FMN1: variants seen among roughly 807,000 people sequenced by gnomAD.
FMN1 encodes formin-1.
In FMN1, 110 loss-of-function variants were observed where a neutral mutation model predicts 132.4. The observed-to-expected ratio is 0.83, with a 90% confidence interval of 0.71 to 0.97. FMN1 has a LOEUF of 0.97. FMN1 is among the 50% of genes least tolerant of loss of function. The pLI is 0.00. For synonymous variants in FMN1, 722 were observed against 651.7 expected (o/e 1.11, Z -1.64); for missense variants, 1,792 against 1,705.3 (o/e 1.05, Z -0.90).
At chr15:32,785,087 G>C (rs1358601464) in intron 19 of FMN1, among the ~76,000 whole-genome samples, 1 of 150,198 alleles carries the variant, frequency 6.7e-6, no homozygotes, top group African/African-American at 2.5e-5. Context: ...ACTGTAACAA[G>C]ACTGTCAACC....
intron 10 of FMN1, among the ~76,000 whole-genome samples, chr15:32,912,280 A>C (rs956539726): frequency 2.6e-5 from 4 of 152,218 alleles, no homozygotes; most frequent in Non-Finnish European, 5.9e-5. Context: ...TGGTATTGTC[A>C]GCTGTGCCCC....
intron 10 of FMN1, among the ~76,000 whole-genome samples, chr15:32,925,152 C>T (rs899400958): frequency 6.6e-6 from 1 of 151,916 alleles, no homozygotes; most frequent in East Asian, 1.9e-4. Context: ...ATTTTGAAAA[C>T]GAAAGGATGA....
At chr15:32,794,630 A>G (rs1257521941) in intron 19 of FMN1, among the ~76,000 whole-genome samples, 1 of 152,236 alleles carries the variant, frequency 6.6e-6, no homozygotes, top group Non-Finnish European at 1.5e-5. Context: ...GTATCAGCAA[A>G]AATTAGGTTA....
At chr15:32,802,343 C>T (rs921694981) in intron 18 of FMN1, among the ~76,000 whole-genome samples, 1 of 152,220 alleles carries the variant, frequency 6.6e-6, no homozygotes, top group Non-Finnish European at 1.5e-5. Context: ...GGAACACATC[C>T]ACTTATTGTC....
chr15:32,984,993 AAAAAAAAG>A (rs1297001814), intron 7 of FMN1, among the ~76,000 whole-genome samples: 1 of 150,252 alleles, frequency 6.7e-6, no homozygotes, highest in African/African-American at 2.5e-5. Context: ...AAAAAAAAAA[AAAAAAAAG>A]AAGGGCAAAA....
At chr15:32,909,921 C>T (rs192527923) in intron 11 of FMN1, among the ~76,000 whole-genome samples, 13 of 152,216 alleles carry the variant, frequency 8.5e-5, no homozygotes, top group African/African-American at 2.9e-4. Context: ...CCCCGCTATA[C>T]TGATGATCAC....
chr15:32,975,358 T>C (rs185456232), intron 7 of FMN1, among the ~76,000 whole-genome samples: 140 of 152,352 alleles, frequency 9.2e-4, no homozygotes, highest in African/African-American at 3.2e-3. Flanking sequence ...CAAATGCTTA[T>C]TGATTTCTTT....
chr15:32,914,066 C>T (rs547491674), intron 10 of FMN1, among the ~76,000 whole-genome samples: 2 of 152,308 alleles, frequency 1.3e-5, no homozygotes, highest in South Asian at 4.1e-4. Context: ...AACTCACACA[C>T]TCGGTGTAGA....
chr15:33,061,862 T>C (rs568024215), intron 6 of FMN1, among the ~76,000 whole-genome samples: 1 of 151,968 alleles, frequency 6.6e-6, no homozygotes, highest in Non-Finnish European at 1.5e-5. Context: ...GTATACCAAA[T>C]TAAATTTTTC....
Position 32,798,959 on chromosome 15 carries a change from A to G in FMN1, c.3981-6T>C, listed in dbSNP as rs1308134908. ...ATCGTACTGTTGTTTCAAAACTGCA[A>G]CAGGTAGGGGGGAAAATGGAATGAG... On this transcript the variant is annotated splice_region_variant and splice_polypyrimidine_tract_variant and intron_variant, in intron 18 of 20. Coordinates refer to ENST00000616417, the MANE Select transcript of FMN1 (RefSeq NM_001277313.2). 6.2e-7 allele frequency: 1 copy of G among 1,612,714 alleles called. No individual in the cohort carries two copies. Among genetic ancestry groups the G allele is most frequent in the Admixed American group, 1.7e-5 (1 of 59,848 alleles).
chr15:33,084,946 C>T (rs1295080342), intron 5 of FMN1, among the ~76,000 whole-genome samples: 1 of 152,168 alleles, frequency 6.6e-6, no homozygotes, highest in Non-Finnish European at 1.5e-5. Context: ...AGTTAACATC[C>T]TGATTGTGAC....
intron 17 of FMN1, among the ~76,000 whole-genome samples, chr15:32,848,982 T>TTTTTTG (rs1567267196): frequency 2.6e-5 from 3 of 114,538 alleles, no homozygotes; most frequent in East Asian, 4.4e-4. Flanking sequence ...CTTTTGTTTT[T>TTTTTTG]TTTTTTTTTT....
At chr15:32,849,090 T>C (rs1326448559) in intron 17 of FMN1, among the ~76,000 whole-genome samples, 1 of 148,430 alleles carries the variant, frequency 6.7e-6, no homozygotes, top group Non-Finnish European at 1.5e-5. Flanking sequence ...TTCATGCCAT[T>C]CTCCTGCCTC....
At chr15:32,939,074 A>G (rs1432380513) in intron 9 of FMN1, among the ~76,000 whole-genome samples, 2 of 152,220 alleles carry the variant, frequency 1.3e-5, no homozygotes, top group African/African-American at 4.8e-5. Flanking sequence ...ACATTAGCCA[A>G]TCCAAATGGA....
intron 16 of FMN1, among the ~76,000 whole-genome samples, chr15:32,876,649 T>C (rs2059643540): frequency 6.6e-6 from 1 of 152,212 alleles, no homozygotes; most frequent in Non-Finnish European, 1.5e-5. Flanking sequence ...TTAAAAAGTG[T>C]GGGAAACACA....
At chr15:32,927,836 T>C (rs773433383) in intron 9 of FMN1, among the ~76,000 whole-genome samples, 1 of 152,220 alleles carries the variant, frequency 6.6e-6, no homozygotes, top group African/African-American at 2.4e-5. Context: ...TTAATGTGCT[T>C]TGCTGGTTAA....
intron 9 of FMN1, among the ~76,000 whole-genome samples, chr15:32,943,083 G>A (rs138350031): frequency 6.6e-6 from 1 of 152,232 alleles, no homozygotes; most frequent in East Asian, 1.9e-4. Context: ...ATGCTCAGTG[G>A]GGTATTTCAG....
At chr15:32,815,867 T>A (rs913541126) in intron 17 of FMN1, among the ~76,000 whole-genome samples, 1 of 152,216 alleles carries the variant, frequency 6.6e-6, no homozygotes, top group African/African-American at 2.4e-5. Context: ...GGATTAACAG[T>A]GGAGCCGAAG....
chr15:33,102,702 T>A (rs981988267), intron 4 of FMN1, among the ~76,000 whole-genome samples: 1 of 152,266 alleles, frequency 6.6e-6, no homozygotes, highest in South Asian at 2.1e-4. Context: ...GGAAATGATG[T>A]CTTTCTGCTT....
Sources: gnomAD v4.1 joint callset for allele counts (sites outside exome capture counted in the v4.1 genomes callset) on GRCh38, gnomAD v4.1.1 for gene constraint, MANE v1.5 for transcripts, NCBI Gene and HGNC (gene_info 2026-07-23, HGNC 2026-07-21) for gene names.